NHLRC2: variants seen among roughly 807,000 people sequenced by gnomAD.
NHLRC2 encodes NHL repeat-containing protein 2.
A neutral mutation model predicts 68.1 loss-of-function variants in NHLRC2; 33 were observed. The observed-to-expected ratio is 0.48, with a 90% CI of 0.37 to 0.65. The LOEUF is 0.65. Among genes scored for constraint, NHLRC2 ranks in the 30% least tolerant of loss-of-function variants. The pLI, the probability that NHLRC2 is intolerant of heterozygous loss-of-function variation, is 0.00. For synonymous variants in NHLRC2, 311 were observed against 309.6 expected (o/e 1.00, Z -0.05); for missense variants, 761 against 853.8 (o/e 0.89, Z 1.35).
intron 10 of NHLRC2, among the ~76,000 whole-genome samples, chr10:113,907,708 A>G (rs755536275): frequency 2.9e-4 from 44 of 152,200 alleles, no homozygotes; most frequent in Non-Finnish European, 5.9e-4. Context: ...ACATTACTTA[A>G]GCCCACAGAG....
rs762182825 is a variant in NHLRC2, at chr10:113,908,504, A to G, written c.2149A>G (p.Ile717Val). Residue 717 changes from isoleucine to valine, a missense_variant, in exon 11 of 11, where the codon ATA becomes GTA. By Grantham distance (29) the Ile-to-Val change is conservative. Transcript: ENST00000369301. The part of the protein sequence containing the change: ...LQITDTQQGC[I>V]APVELRYVF Reference sequence around the variant, plus strand: ...AATAACGGATACACAGCAAGGTTGCATAGCTCCAGTAGAGCTCAGGTATGT... The same window carrying G: ...AATAACGGATACACAGCAAGGTTGCGTAGCTCCAGTAGAGCTCAGGTATGT... The G allele has an allele frequency of 6.8e-6, 11 of 1,614,108 alleles. No homozygotes were observed. The South Asian group carries it at 8.8e-5, about 13-fold the overall frequency.
intron 10 of NHLRC2, among the ~76,000 whole-genome samples, chr10:113,908,065 A>C (rs981466985): frequency 1.3e-5 from 2 of 152,222 alleles, no homozygotes; most frequent in African/African-American, 4.8e-5. Context: ...AGGAAGAACT[A>C]TAATAATTAG....
At chr10:113,898,300 C>T (rs1335694229) in intron 6 of NHLRC2, 91 bp downstream of exon 6, 2 of 781,666 alleles carry the variant, frequency 2.6e-6, no homozygotes, top group East Asian at 5.6e-5. Flanking sequence ...CTGTACCAGT[C>T]AGGATGTGCT....
At chr10:113,892,483 A>G (rs1846141596) in intron 5 of NHLRC2, among the ~76,000 whole-genome samples, 1 of 152,090 alleles carries the variant, frequency 6.6e-6, no homozygotes, top group Non-Finnish European at 1.5e-5. Context: ...CTTAATTTAA[A>G]ATGGAAATGT....
intron 10 of NHLRC2, among the ~76,000 whole-genome samples, chr10:113,905,342 G>A (rs995690183): frequency 1.3e-5 from 2 of 152,026 alleles, no homozygotes; most frequent in African/African-American, 2.4e-5. Flanking sequence ...TTCTATTCTT[G>A]TTCCAAAAAG....
chr10:113,879,480 T>C, intron 3 of NHLRC2, 94 bp from the exon 4 acceptor site: 2 of 1,111,146 alleles, frequency 1.8e-6, no homozygotes, highest in Non-Finnish European at 2.6e-6. Flanking sequence ...CATTTTTTTA[T>C]ATTAAAATCC....
chr10:113,890,824 AAGG>A (rs1846123867), intron 5 of NHLRC2, among the ~76,000 whole-genome samples: 1 of 152,212 alleles, frequency 6.6e-6, no homozygotes. Flanking sequence ...TTTATAAAGA[AAGG>A]AGGTTTAATT....
intron 2 of NHLRC2, among the ~76,000 whole-genome samples, chr10:113,865,586 T>C (rs546715549): frequency 3.5e-4 from 53 of 150,158 alleles, no homozygotes; most frequent in African/African-American, 1.2e-3. Context: ...TTTTTTTTAA[T>C]ATAACTTCGA....
chr10:113,909,334 C>G lies in NHLRC2; in HGVS notation c.*798C>G, dbSNP rs1035448832. The G allele has an allele frequency of 4.6e-5, 7 of 152,126 alleles. No homozygotes were observed. The highest frequency in any genetic ancestry group is 8.8e-5 in the Non-Finnish European group (6 of 68,014). 9.4% of individuals were successfully genotyped at this position (152,126 alleles called of 1,614,324 possible). ...GAAAAAGGGACTTTAGGACACATTA[C>G]TTAGTGTCTGTGATAAATAATTTAT... is the stretch of plus-strand genomic sequence containing the variant. On this transcript the variant is annotated 3_prime_UTR_variant, in exon 11 of 11. Transcript: ENST00000369301.
At chr10:113,901,368 T>A (rs1846226867) in intron 6 of NHLRC2, among the ~76,000 whole-genome samples, 1 of 152,212 alleles carries the variant, frequency 6.6e-6, no homozygotes, top group African/African-American at 2.4e-5. Context: ...AATAATCTGA[T>A]CATTATTTTT....
intron 4 of NHLRC2, among the ~76,000 whole-genome samples, chr10:113,880,984 T>A (rs912757143): frequency 1.3e-5 from 2 of 151,940 alleles, no homozygotes; most frequent in Admixed American, 1.3e-4. Context: ...CTGTGCAGCA[T>A]TTCTAAACTT....
chr10:113,856,611 GT>G (rs1206356343), intron 1 of NHLRC2, among the ~76,000 whole-genome samples: 1 of 152,112 alleles, frequency 6.6e-6, no homozygotes, highest in East Asian at 1.9e-4. Flanking sequence ...TTTGGGGAAT[GT>G]TTTTTATTTT....
intron 2 of NHLRC2, among the ~76,000 whole-genome samples, chr10:113,870,701 G>A (rs1180482934): frequency 6.6e-6 from 1 of 152,146 alleles, no homozygotes; most frequent in East Asian, 1.9e-4. Flanking sequence ...AGTTTCGTTA[G>A]GTATTGCCTA....
chr10:113,867,193 G>T (rs908322955), intron 2 of NHLRC2, among the ~76,000 whole-genome samples: 3 of 152,188 alleles, frequency 2.0e-5, no homozygotes, highest in Non-Finnish European at 1.5e-5. Context: ...AAACCCTCCC[G>T]AAATCTAAGC....
chr10:113,858,463 G>T, intron 1 of NHLRC2, 65 bp from the exon 2 acceptor site: 3 of 1,156,820 alleles, frequency 2.6e-6, no homozygotes, highest in Non-Finnish European at 2.5e-6. Flanking sequence ...ACATTTTAAT[G>T]GAAAGTTTTA....
chr10:113,902,738 C>A, intron 8 of NHLRC2, 145 bp downstream of exon 8: 2 of 702,872 alleles, frequency 2.8e-6, no homozygotes, highest in South Asian at 1.8e-5. Context: ...GCCTGTTCTG[C>A]TCTTTTCTTG....
At chr10:113,864,716 A>T (rs1264346278) in intron 2 of NHLRC2, among the ~76,000 whole-genome samples, 1 of 151,044 alleles carries the variant, frequency 6.6e-6, no homozygotes, top group African/African-American at 2.4e-5. Context: ...AAAACCACAC[A>T]CACACACAAA....
Position 113,913,158 on chromosome 10 carries a change from A to G in NHLRC2, c.*4622A>G, listed in dbSNP as rs1404149250. ...ACAGAGAGGGTAAGCATAATCAAATACACCAGCATAACCAAAATCACACAT... is the reference window on the plus strand; with the variant it reads ...ACAGAGAGGGTAAGCATAATCAAATGCACCAGCATAACCAAAATCACACAT... On this transcript the variant is annotated 3_prime_UTR_variant, in exon 11 of 11. Transcript: ENST00000369301. 1.3e-5 allele frequency: 2 copies of G among 152,216 alleles called. No homozygotes were observed. The highest frequency in any genetic ancestry group is 2.4e-5 in the African/African-American group (1 of 41,454). 9.4% of individuals were successfully genotyped at this position (152,216 alleles called of 1,614,324 possible).
At chr10:113,856,579 A>G (rs1845761734) in intron 1 of NHLRC2, among the ~76,000 whole-genome samples, 1 of 152,234 alleles carries the variant, frequency 6.6e-6, no homozygotes, top group Non-Finnish European at 1.5e-5. Flanking sequence ...ACTGTTATAA[A>G]CAAGCAGGCC....
Sources: allele counts gnomAD v4.1 joint callset (sites outside exome capture counted in the v4.1 genomes callset), GRCh38; gene constraint gnomAD v4.1.1; transcripts MANE v1.5; gene names NCBI Gene and HGNC (gene_info 2026-07-23, HGNC 2026-07-21).